The following TAF9 variants were observed in gnomAD, a reference collection of about 807,000 sequenced individuals.
TAF9 encodes the protein TATA-box binding protein associated factor 9.
In TAF9, 10 loss-of-function variants were observed where a neutral mutation model predicts 16.5. That is an observed-to-expected ratio of 0.61 (90% confidence interval 0.37 to 1.03). TAF9 has a LOEUF of 1.03. Ranked by LOEUF, TAF9 falls within the 50% of genes least tolerant of loss-of-function variation. The probability of loss-of-function intolerance (pLI) is 0.01; values close to 1 mark genes in which losing one functional copy is unlikely to be tolerated. For missense variants in TAF9, 288 were observed against 319.1 expected (o/e 0.90, Z 0.74); for synonymous variants, 105 against 120.5 (o/e 0.87, Z 0.84).
intron 1 of TAF9, among the ~76,000 whole-genome samples, chr5:69,366,977 T>G (rs1299534701): frequency 6.6e-6 from 1 of 152,002 alleles, no homozygotes; most frequent in African/African-American, 2.4e-5. Context: ...CAGGCTGGTC[T>G]CAAACTCCTA....
chr5:69,368,218 G>A (rs967457479), intron 1 of TAF9, among the ~76,000 whole-genome samples: 15 of 152,032 alleles, frequency 9.9e-5, no homozygotes, highest in African/African-American at 3.1e-4. Context: ...TTACATAAAT[G>A]ACAATACTAT....
intron 1 of TAF9, among the ~76,000 whole-genome samples, chr5:69,368,476 T>C (rs1314703603): frequency 1.3e-5 from 2 of 152,190 alleles, no homozygotes; most frequent in Non-Finnish European, 2.9e-5. Flanking sequence ...GTTTTGACAA[T>C]GACTTAATAA....
At chr5:69,367,121 A>C (rs756871914) in intron 1 of TAF9, among the ~76,000 whole-genome samples, 1 of 152,146 alleles carries the variant, frequency 6.6e-6, no homozygotes, top group Non-Finnish European at 1.5e-5. Context: ...GAATGTCAGA[A>C]TATTACCCAG....
In TAF9 at chr5:69,365,535, G is replaced by C. The variant is rs775328082; in HGVS notation, c.203C>G (p.Ala68Gly). The change falls in exon 3 of 3, where the codon GCA becomes GGA. Residue 68 changes from alanine (A) to glycine (G), a missense_variant. By Grantham distance (60) the Ala-to-Gly change is moderately conservative. Transcript: ENST00000217893. ...CTGGATTGCCAATCGCACATCATCT[G>C]CATCAACAGTAGCTTTCTTAGCATG... is the stretch of plus-strand genomic sequence containing the variant. The part of the protein sequence containing the change: ...SSHAKKATVD[A>G]DDVRLAIQCR... 6 of 1,613,738 alleles carry C rather than the reference G, an allele frequency of 3.7e-6. No individual in the cohort carries two copies. The East Asian group carries it at 1.3e-4, about 36-fold the overall frequency.
upstream of TAF9, chr5:69,369,668 T>A (rs1762792159): frequency 1.9e-6 from 3 of 1,557,688 alleles, no homozygotes; most frequent in Non-Finnish European, 1.7e-6. Context: ...TGGCTTTCGA[T>A]GACACATTTC....
At chr5:69,369,397 G>C (rs1762744495) in intron 1 of TAF9, 66 bp downstream of exon 1, 1 of 1,569,158 alleles carries the variant, frequency 6.4e-7, no homozygotes, top group African/African-American at 1.4e-5. Context: ...CTGGGCGCCC[G>C]ATGCCCAGAG....
intron 1 of TAF9, among the ~76,000 whole-genome samples, chr5:69,368,140 T>C (rs1162844224): frequency 6.6e-6 from 1 of 152,220 alleles, no homozygotes; most frequent in Non-Finnish European, 1.5e-5. Flanking sequence ...AAACCCTATT[T>C]ATGTTTGCAT....
chr5:69,368,229 A>C (rs1425513429), intron 1 of TAF9, among the ~76,000 whole-genome samples: 6 of 152,320 alleles, frequency 3.9e-5, no homozygotes, highest in Admixed American at 3.3e-4. Flanking sequence ...ACAATACTAT[A>C]TACATTGTTC....
At chr5:69,368,457 C>T (rs1399155020) in intron 1 of TAF9, among the ~76,000 whole-genome samples, 3 of 152,142 alleles carry the variant, frequency 2.0e-5, no homozygotes, top group African/African-American at 7.2e-5. Flanking sequence ...ATAAAATGTT[C>T]ACTTTAAAGT....
Position 69,366,995 on chromosome 5 carries a change from G to T in TAF9, c.-110-400C>A, listed in dbSNP as rs372223370. ...GCTGGTCTCAAACTCCTAACCTCAG[G>T]TGATCTGCCAGCCTCGGCCTCCTAA... is the stretch of plus-strand genomic sequence containing the variant. On this transcript the variant is annotated intron_variant, in intron 1 of 2. Transcript: ENST00000217893. Among the ~76,000 whole-genome samples, 4 of 151,968 alleles carry T rather than the reference G, an allele frequency of 2.6e-5. No individual in the cohort carries two copies. In the East Asian group the frequency reaches 7.8e-4, roughly 30 times the overall value.
In TAF9 at chr5:69,365,450, T is replaced by C; in HGVS notation, c.288A>G (p.Ala96=). 6.2e-7 allele frequency: 1 copy of C among 1,614,236 alleles called. No individual in the cohort carries two copies. Among genetic ancestry groups the C allele is most frequent in the Non-Finnish European group, 8.5e-7 (1 of 1,180,042 alleles). The change falls in exon 3 of 3, where the codon GCA becomes GCG. Residue 96 remains alanine, a synonymous_variant. Transcript: ENST00000217893. The part of the protein sequence containing the change: ...PPPRDFLLDI[A]RQRNQTPLPL... ...GCAAAGGGGTTTGATTTCTTTGCCT[T>C]GCAATATCTAATAAAAAATCTCTTG...
At position 69,365,440 on chromosome 5, in the gene TAF9, T is replaced by A; in HGVS notation, c.298A>T (p.Asn100Tyr). The change falls in exon 3 of 3, where the codon AAT (asparagine) becomes TAT (tyrosine). Residue 100 changes from asparagine (N) to tyrosine (Y), a missense_variant. By Grantham distance (143) the Asn-to-Tyr change is moderately radical (BLOSUM62 -2). Transcript: ENST00000217893. ...DFLLDIARQR[N>Y]QTPLPLIKPY... is the part of the protein sequence containing the mutation. ...TTGATCAATGGCAAAGGGGTTTGAT[T>A]TCTTTGCCTTGCAATATCTAATAAA... The A allele has an allele frequency of 6.2e-7, 1 of 1,614,252 alleles. No individual in the cohort carries two copies. The highest frequency in any genetic ancestry group is 8.5e-7 in the Non-Finnish European group (1 of 1,180,040).
At chr5:69,366,799 C>T (rs1762448800) in intron 1 of TAF9, 3 of 549,466 alleles carry the variant, frequency 5.5e-6, no homozygotes, top group Non-Finnish European at 9.8e-6. Context: ...ACTCTTGTCG[C>T]CCAGGCTGGA....
At position 69,368,505 on chromosome 5, in the gene TAF9, T is replaced by G. The variant is rs143968539; in HGVS notation, c.-111+958A>C. Among the ~76,000 whole-genome samples, 21 of 152,308 alleles carry G rather than the reference T, an allele frequency of 1.4e-4. No individual in the cohort carries two copies. In the East Asian group the frequency reaches 4.1e-3, roughly 29 times the overall value. On this transcript the variant is annotated intron_variant, in intron 1 of 2. Coordinates refer to ENST00000217893, the MANE Select transcript of TAF9 (RefSeq NM_003187.5). ...TTAATAACCAGGGCACTATGTTTGATCCATGCAAAAAGATGTAAAATCTTC... is the reference window on the plus strand; with the variant it reads ...TTAATAACCAGGGCACTATGTTTGAGCCATGCAAAAAGATGTAAAATCTTC...
At chr5:69,369,098 T>C (rs1396042135) in intron 1 of TAF9, 1 of 377,444 alleles carries the variant, frequency 2.6e-6, no homozygotes, top group African/African-American at 2.1e-5. Flanking sequence ...GGCCTTACGT[T>C]ATTTCGCTAA....
chr5:69,367,490 CAG>C (rs1485842496), intron 1 of TAF9, among the ~76,000 whole-genome samples: 1 of 131,388 alleles, frequency 7.6e-6, no homozygotes, highest in East Asian at 2.3e-4. Context: ...AGCCTGGCGA[CAG>C]AGACTCCATC....
At position 69,365,600 on chromosome 5, in the gene TAF9, A is replaced by G. The variant is rs756198183; in HGVS notation, c.138T>C (p.Tyr46=). The change falls in exon 3 of 3, where the codon TAT becomes TAC. Residue 46 remains tyrosine (Y), a synonymous_variant. Transcript: ENST00000217893. ...TTGCATCATCTAGAATTGTGGTCAC[A>G]TATCGGAAGGCAAACTCCAACATCT... ...INQMLEFAFR[Y]VTTILDDAKI... 25 of 1,614,052 alleles carry G rather than the reference A, an allele frequency of 1.5e-5. No homozygotes were observed. Among genetic ancestry groups the G allele is most frequent in the Non-Finnish European group, 2.1e-5 (25 of 1,180,032 alleles).
rs897772513 is a variant in TAF9, at chr5:69,365,812, T to C, written c.-17-58A>G. The stretch of plus-strand genomic sequence containing the variant: ...GATCAATCTGAAATAGTTACTTTAG[T>C]AGCAACTGTCAGGAACTTAAAAAAA... On this transcript the variant is annotated intron_variant, in intron 2 of 2. Coordinates refer to ENST00000217893, the MANE Select transcript of TAF9 (RefSeq NM_003187.5). The C allele has an allele frequency of 1.2e-5, 15 of 1,273,138 alleles. No individual in the cohort carries two copies. The African/African-American group carries it at 1.2e-4, about 10-fold the overall frequency. The allele number at this position is 1,273,138 out of a possible 1,614,324, so 78.9% of individuals were successfully genotyped here. A position where few individuals can be genotyped will look rare whatever the true frequency, so the allele number is the denominator to read the frequency against.
chr5:69,367,453 T>C (rs990966073), intron 1 of TAF9, among the ~76,000 whole-genome samples: 4 of 136,680 alleles, frequency 2.9e-5, no homozygotes, highest in Non-Finnish European at 6.0e-5. Context: ...TAGGATGCAG[T>C]GAGCCAAGAT....
Sources: allele counts gnomAD v4.1 joint callset (sites outside exome capture counted in the v4.1 genomes callset), GRCh38; gene constraint gnomAD v4.1.1; transcripts MANE v1.5; gene names NCBI Gene and HGNC (gene_info 2026-07-23, HGNC 2026-07-21).